DOCK2: variants seen among roughly 807,000 people sequenced by gnomAD.
DOCK2 encodes the protein dedicator of cytokinesis protein 2.
DOCK2 carries 87 observed loss-of-function variants against 248.9 expected under a neutral mutation model. The ratio of observed to expected loss-of-function variants is 0.35; its 90% CI spans 0.29 to 0.42. The LOEUF (loss-of-function observed/expected upper bound fraction) is 0.42. Among genes scored for constraint, DOCK2 ranks in the 10% least tolerant of loss-of-function variants. The pLI, the probability that DOCK2 is intolerant of heterozygous loss-of-function variation, is 1.00. For missense variants in DOCK2, 1,747 were observed against 2,300.2 expected (o/e 0.76, Z 4.92); for synonymous variants, 805 against 821.6 (o/e 0.98, Z 0.35).
chr5:170,058,140 A>T (rs886704435), intron 44 of DOCK2, among the ~76,000 whole-genome samples: 10 of 152,026 alleles, frequency 6.6e-5, no homozygotes, highest in Admixed American at 6.5e-4. Context: ...TGCAGATAAC[A>T]CCTATTTTGC....
At chr5:169,729,641 A>G (rs977715404) in intron 22 of DOCK2, among the ~76,000 whole-genome samples, 2 of 152,246 alleles carry the variant, frequency 1.3e-5, no homozygotes, top group Non-Finnish European at 2.9e-5. Context: ...TGTCTTCTTC[A>G]TGCTGCCCTT....
At chr5:169,708,802 T>A (rs900207012) in intron 15 of DOCK2, among the ~76,000 whole-genome samples, 10 of 152,172 alleles carry the variant, frequency 6.6e-5, no homozygotes. Flanking sequence ...TGATCTCAAG[T>A]GATCTGCCCA....
At chr5:169,925,108 C>T (rs1775364984) in intron 27 of DOCK2, among the ~76,000 whole-genome samples, 1 of 152,068 alleles carries the variant, frequency 6.6e-6, no homozygotes, top group Non-Finnish European at 1.5e-5. Flanking sequence ...ACCCCAACCC[C>T]CCATTCATCT....
At chr5:169,642,654 G>A (rs1757214602) in intron 1 of DOCK2, among the ~76,000 whole-genome samples, 1 of 152,164 alleles carries the variant, frequency 6.6e-6, no homozygotes, top group African/African-American at 2.4e-5. Context: ...AGGTGCCGGG[G>A]CTTCCTACTT....
chr5:169,946,548 C>A lies in DOCK2; in HGVS notation c.2800-36520C>A, dbSNP rs139281609. ...CACTGCAAAGAACTGGGGGATCTGGCATAGTCACTCATCCATTCATTCATT... is the reference window on the plus strand; with the variant it reads ...CACTGCAAAGAACTGGGGGATCTGGAATAGTCACTCATCCATTCATTCATT... On this transcript the variant is annotated intron_variant, in intron 27 of 51. Coordinates refer to ENST00000520908, the MANE Select transcript of DOCK2 (RefSeq NM_004946.3). 3.3e-3 allele frequency among the ~76,000 whole-genome samples: 507 copies of A among 152,300 alleles called. 2 individuals are homozygous for A. The highest frequency in any genetic ancestry group is 0.01 in the Middle Eastern group (3 of 294).
intron 27 of DOCK2, among the ~76,000 whole-genome samples, chr5:169,918,135 A>G (rs1774976380): frequency 6.6e-6 from 1 of 152,182 alleles, no homozygotes; most frequent in Non-Finnish European, 1.5e-5. Flanking sequence ...ATCCTGTTCA[A>G]TTTGCTTTGG....
intron 32 of DOCK2, among the ~76,000 whole-genome samples, chr5:170,011,408 A>G (rs78012038): frequency 0.014 from 2,178 of 152,230 alleles, 50 homozygotes; most frequent in African/African-American, 0.048. Context: ...AGCATCACAG[A>G]CTCCCTGCTG....
At chr5:169,761,685 T>C (rs577568548) in intron 25 of DOCK2, 60 bp downstream of exon 25, 1 of 1,466,720 alleles carries the variant, frequency 6.8e-7, no homozygotes, top group African/African-American at 1.4e-5. Flanking sequence ...CACATCATTT[T>C]GGGGAAGCTT....
At chr5:170,034,013 G>T (rs572534963) in intron 34 of DOCK2, among the ~76,000 whole-genome samples, 1 of 152,254 alleles carries the variant, frequency 6.6e-6, no homozygotes, top group East Asian at 1.9e-4. Flanking sequence ...ATACTTCTGA[G>T]AATATTTCTG....
At chr5:169,964,990 A>G (rs1777241122) in intron 27 of DOCK2, among the ~76,000 whole-genome samples, 1 of 152,172 alleles carries the variant, frequency 6.6e-6, no homozygotes, top group African/African-American at 2.4e-5. Context: ...GCTCCTTGAG[A>G]GAAGGAGCCA....
intron 23 of DOCK2, among the ~76,000 whole-genome samples, chr5:169,750,298 G>A (rs115005436): frequency 5.6e-4 from 86 of 152,318 alleles, no homozygotes; most frequent in African/African-American, 2.0e-3. Flanking sequence ...CAGTAAGAAG[G>A]CAGGGAAAGA....
At chr5:169,663,326 G>A (rs1238195277) in intron 2 of DOCK2, among the ~76,000 whole-genome samples, 2 of 152,198 alleles carry the variant, frequency 1.3e-5, no homozygotes, top group East Asian at 1.9e-4. Flanking sequence ...GTACCTGCAG[G>A]TTTTCTAGGC....
chr5:169,997,678 C>G (rs1406695483), intron 30 of DOCK2, among the ~76,000 whole-genome samples: 1 of 150,094 alleles, frequency 6.7e-6, no homozygotes, highest in African/African-American at 2.5e-5. Flanking sequence ...TCTGAGTTGT[C>G]ACAGCACATG....
intron 1 of DOCK2, among the ~76,000 whole-genome samples, chr5:169,644,222 G>A (rs1056030563): frequency 2.6e-5 from 4 of 152,130 alleles, no homozygotes; most frequent in South Asian, 2.1e-4. Context: ...ATTGTAGGAC[G>A]ACCTGTCTTA....
intron 29 of DOCK2, among the ~76,000 whole-genome samples, chr5:169,990,591 G>C (rs2113792820): frequency 6.6e-6 from 1 of 152,306 alleles, no homozygotes; most frequent in African/African-American, 2.4e-5. Flanking sequence ...GAACCTTTTG[G>C]CCCATGGAGC....
At chr5:169,646,754 G>T (rs1319968805) in intron 1 of DOCK2, among the ~76,000 whole-genome samples, 1 of 152,230 alleles carries the variant, frequency 6.6e-6, no homozygotes, top group Non-Finnish European at 1.5e-5. Flanking sequence ...ATGGAAGCCA[G>T]TTAAGGTCCC....
intron 1 of DOCK2, among the ~76,000 whole-genome samples, chr5:169,649,189 T>G (rs1049446505): frequency 1.3e-5 from 2 of 152,226 alleles, no homozygotes; most frequent in African/African-American, 4.8e-5. Flanking sequence ...CATTATTGCT[T>G]TTGTTCCTCT....
intron 22 of DOCK2, among the ~76,000 whole-genome samples, chr5:169,720,940 T>G (rs1762165675): frequency 1.3e-5 from 2 of 152,182 alleles, no homozygotes. Context: ...GCCAGGATGG[T>G]CTTGATCTCC....
At chr5:169,743,637 A>G (rs1003671768) in intron 22 of DOCK2, among the ~76,000 whole-genome samples, 9 of 151,706 alleles carry the variant, frequency 5.9e-5, no homozygotes, top group Non-Finnish European at 1.3e-4. Flanking sequence ...CAGAAAAGTA[A>G]TTAACTGAGG....
Sources: gnomAD v4.1 joint callset for allele counts (sites outside exome capture counted in the v4.1 genomes callset) on GRCh38, gnomAD v4.1.1 for gene constraint, MANE v1.5 for transcripts, NCBI Gene and HGNC (gene_info 2026-07-23, HGNC 2026-07-21) for gene names.